APP: variants seen among roughly 807,000 people sequenced by gnomAD.
APP encodes the protein amyloid beta precursor protein.
Under a neutral mutation model 101.4 loss-of-function variants are expected in APP, and 31 were observed. That is an observed-to-expected ratio of 0.31 (90% confidence interval 0.23 to 0.41). The LOEUF is 0.41. APP is among the 10% of genes least tolerant of loss of function. The probability of loss-of-function intolerance (pLI) is 1.00; values close to 1 mark genes in which losing one functional copy is unlikely to be tolerated. For missense variants in APP, 839 were observed against 1,003.7 expected, an observed-to-expected ratio of 0.84 and a Z score of 2.22; for synonymous variants, 366 against 364.4, an observed-to-expected ratio of 1.00 and a Z score of -0.05.
intron 1 of APP, among the ~76,000 whole-genome samples, chr21:26,145,278 A>G (rs2146322677): frequency 6.6e-6 from 1 of 152,204 alleles, no homozygotes; most frequent in Non-Finnish European, 1.5e-5. Context: ...TTTGTGGAAG[A>G]CCATTTATCC....
intron 6 of APP, among the ~76,000 whole-genome samples, chr21:26,020,743 A>C (rs2044299311): frequency 6.6e-6 from 1 of 152,196 alleles, no homozygotes; most frequent in Admixed American, 6.5e-5. Flanking sequence ...GAACTCTTTA[A>C]GGAACAAATG....
rs761159773 is a variant in APP at position 25,999,976 on chromosome 21, A to G, written c.1033+39T>C. ...CAAAAAGCAGAGTCAGTGGCGAGAG[A>G]GACGAAAGGTGGCCAGGCTCGAAGA... is the stretch of plus-strand genomic sequence containing the variant. On this transcript the variant is annotated intron_variant, in intron 7 of 17. Coordinates refer to ENST00000346798, the MANE Select transcript of APP (RefSeq NM_000484.4). 12 of 1,608,814 alleles carry G rather than the reference A, an allele frequency of 7.5e-6. No individual in the cohort carries two copies. The Middle Eastern group carries it at 1.4e-3, about 182-fold the overall frequency.
intron 6 of APP, among the ~76,000 whole-genome samples, chr21:26,013,415 A>AT (rs796078575): frequency 0.029 from 4,190 of 146,898 alleles, 204 homozygotes; most frequent in African/African-American, 0.097. Context: ...TTGAGGTTTG[A>AT]TTTTTTTTTT....
intron 3 of APP, among the ~76,000 whole-genome samples, chr21:26,055,235 C>T (rs987902931): frequency 1.3e-5 from 2 of 152,120 alleles, no homozygotes; most frequent in East Asian, 1.9e-4. Context: ...GGCCACATCA[C>T]GGGTTCTTTT....
At chr21:26,057,484 C>A (rs1395603495) in intron 3 of APP, among the ~76,000 whole-genome samples, 2 of 152,018 alleles carry the variant, frequency 1.3e-5, no homozygotes, top group Admixed American at 6.5e-5. Context: ...CACACACACA[C>A]ACACACACAC....
chr21:25,955,532 G>A (rs1321031465), intron 12 of APP, 95 bp downstream of exon 12: 35 of 1,575,092 alleles, frequency 2.2e-5, no homozygotes, highest in Non-Finnish European at 3.0e-5. Context: ...AACACCTATA[G>A]GTGCTCGGAG....
chr21:25,904,373 A>G (rs1448450718), intron 15 of APP, among the ~76,000 whole-genome samples: 1 of 152,252 alleles, frequency 6.6e-6, no homozygotes, highest in Non-Finnish European at 1.5e-5. Context: ...TGTCTATTTC[A>G]GTGTTAATGG....
chr21:26,108,828 G>A (rs1037500430), intron 2 of APP, among the ~76,000 whole-genome samples: 4 of 152,116 alleles, frequency 2.6e-5, no homozygotes, highest in Admixed American at 2.0e-4. Context: ...AGGTTGCAGT[G>A]AGCTGAGATT....
rs374889279 is a variant in APP, at chr21:26,167,622, C to G, written c.57+2942G>C. On this transcript the variant is annotated intron_variant, in intron 1 of 17. Coordinates refer to ENST00000346798, the MANE Select transcript of APP (RefSeq NM_000484.4). ...AAATAGAGATCCTCTAGCAACAAGACTTAACATAAAGACAACCTCTCCCAT... is the reference window on the plus strand; with the variant it reads ...AAATAGAGATCCTCTAGCAACAAGAGTTAACATAAAGACAACCTCTCCCAT... 2.6e-5 allele frequency among the ~76,000 whole-genome samples: 4 copies of G among 152,218 alleles called. No individual in the cohort carries two copies. The East Asian group carries it at 7.7e-4, about 29-fold the overall frequency.
chr21:25,965,993 T>C (rs2146532691), intron 11 of APP, among the ~76,000 whole-genome samples: 1 of 152,310 alleles, frequency 6.6e-6, no homozygotes, highest in African/African-American at 2.4e-5. Context: ...AGTGCTCCAC[T>C]GTGGAGGGAA....
intron 6 of APP, among the ~76,000 whole-genome samples, chr21:26,005,730 A>G (rs899235372): frequency 2.0e-5 from 3 of 152,230 alleles, no homozygotes; most frequent in African/African-American, 2.4e-5. Flanking sequence ...ATTTTTCTCA[A>G]TAGCATAATT....
intron 11 of APP, among the ~76,000 whole-genome samples, chr21:25,970,301 A>G (rs2041981272): frequency 6.6e-6 from 1 of 152,198 alleles, no homozygotes; most frequent in Admixed American, 6.5e-5. Flanking sequence ...TGATGAGACT[A>G]AACTGAGAGT....
intron 1 of APP, among the ~76,000 whole-genome samples, chr21:26,139,077 G>A (rs1242207675): frequency 1.3e-5 from 2 of 152,080 alleles, no homozygotes; most frequent in African/African-American, 4.8e-5. Context: ...GTGGTAGAAA[G>A]GGGTGATTAG....
At chr21:26,023,374 A>T (rs9636779) in intron 5 of APP, among the ~76,000 whole-genome samples, 7 of 54,264 alleles carry the variant, frequency 1.3e-4, no homozygotes, top group East Asian at 9.8e-4. Flanking sequence ...CAAAAAAATT[A>T]AAAAAAAAAA....
chr21:26,144,714 C>G (rs2063119510), intron 1 of APP, among the ~76,000 whole-genome samples: 1 of 152,192 alleles, frequency 6.6e-6, no homozygotes, highest in South Asian at 2.1e-4. Flanking sequence ...GGAGAAAGAA[C>G]AGTTCCACTA....
chr21:25,968,610 G>A (rs1013044746), intron 11 of APP, among the ~76,000 whole-genome samples: 4 of 152,252 alleles, frequency 2.6e-5, no homozygotes, highest in African/African-American at 7.2e-5. Context: ...CTCAGACACA[G>A]GGACTCAGGA....
At chr21:26,110,641 CAG>C (rs1261515221) in intron 2 of APP, among the ~76,000 whole-genome samples, 3 of 152,026 alleles carry the variant, frequency 2.0e-5, no homozygotes, top group Non-Finnish European at 2.9e-5. Flanking sequence ...CTTTCTTAAA[CAG>C]AGCGCTATCA....
intron 3 of APP, among the ~76,000 whole-genome samples, chr21:26,069,356 C>G (rs2046585352): frequency 6.6e-6 from 1 of 152,120 alleles, no homozygotes; most frequent in Admixed American, 6.6e-5. Flanking sequence ...ACTTTCTGGC[C>G]AGAAACTCAT....
At chr21:25,935,437 T>A (rs1162273101) in intron 13 of APP, among the ~76,000 whole-genome samples, 1 of 152,154 alleles carries the variant, frequency 6.6e-6, no homozygotes, top group East Asian at 1.9e-4. Context: ...GCTCAAGACA[T>A]GAGAAAATAT....
Sources: gnomAD v4.1 joint callset for allele counts (sites outside exome capture counted in the v4.1 genomes callset) on GRCh38, gnomAD v4.1.1 for gene constraint, MANE v1.5 for transcripts, NCBI Gene and HGNC (gene_info 2026-07-23, HGNC 2026-07-21) for gene names.